MXRA7: variants seen among roughly 807,000 people sequenced by gnomAD.
MXRA7 encodes the protein matrix-remodeling-associated protein 7.
In MXRA7, 18 loss-of-function variants were observed where a neutral mutation model predicts 17.4. The ratio of observed to expected loss-of-function variants is 1.03; its 90% confidence interval spans 0.71 to 1.53. The LOEUF is 1.53. MXRA7 is among the 40% of genes most tolerant of loss of function. The pLI, the probability that MXRA7 is intolerant of heterozygous loss-of-function variation, is 0.00. For synonymous variants in MXRA7, 70 were observed against 101.7 expected (o/e 0.69, Z 1.87); for missense variants, 141 against 209.3 (o/e 0.67, Z 2.01).
rs2076346227 is a variant in MXRA7, at chr17:76,683,810, G to C, written c.500+1262C>G. The C allele has an allele frequency of 2.0e-6, 3 of 1,529,756 alleles. No individual in the cohort carries two copies. In the Admixed American group the frequency reaches 5.0e-5, roughly 26 times the overall value. The allele number at this position is 1,529,756 out of a possible 1,614,324, so 94.8% of individuals were successfully genotyped here. On this transcript the variant is annotated intron_variant, in intron 3 of 3. Coordinates refer to ENST00000449428, the MANE Select transcript of MXRA7 (RefSeq NM_198530.4). ...GGGGGCACGTTAGCACGCAGTAGAA[G>C]GGGAGCACCACTAGTCTAAGAAATC...
intron 1 of MXRA7, among the ~76,000 whole-genome samples, chr17:76,697,516 TC>T (rs776081978): frequency 1.6e-4 from 25 of 152,334 alleles, no homozygotes; most frequent in Admixed American, 3.3e-4. Flanking sequence ...CCCTGGCTGG[TC>T]CCCAGGGCAG....
rs78973581 is a variant in MXRA7, at chr17:76,685,190, G to T, written c.407-25C>A. 15,850 of 1,577,858 alleles carry T rather than the reference G, an allele frequency of 0.01. 670 individuals are homozygous for T. In the East Asian group the frequency reaches 0.11, roughly 11 times the overall value. The stretch of plus-strand genomic sequence containing the variant: ...CCTGTGGAGGGGGGACCCAGTAAGT[G>T]CCAGGAGTGCTGTAGAGGCTGGCCC... On this transcript the variant is annotated intron_variant, in intron 2 of 3. Transcript: ENST00000449428.
chr17:76,679,852 A>G lies in MXRA7; in HGVS notation c.*1015T>C. 1 of 436,330 alleles carries G rather than the reference A, an allele frequency of 2.3e-6. No individual in the cohort carries two copies. Among genetic ancestry groups the G allele is most frequent in the Admixed American group, 8.9e-5 (1 of 11,234 alleles). 27.0% of individuals were successfully genotyped at this position (436,330 alleles called of 1,614,324 possible). A position where few individuals can be genotyped will look rare whatever the true frequency, so the allele number is the denominator to read the frequency against. ...CCTGTTCTCCCCTAAGCCCTGAACC[A>G]AAGGTTCCAGGCCCAGATGAGAAGG... is the stretch of plus-strand genomic sequence containing the variant. On this transcript the variant is annotated 3_prime_UTR_variant, in exon 4 of 4. Transcript: ENST00000449428.
intron 2 of MXRA7, 59 bp from the exon 3 acceptor site, chr17:76,685,224 C>A: frequency 7.7e-7 from 1 of 1,290,974 alleles, no homozygotes; most frequent in Non-Finnish European, 1.1e-6. Context: ...CCCACAAACC[C>A]CGGCCCCCTT....
In MXRA7 at chr17:76,693,451, T is replaced by C. The variant is rs557809360; in HGVS notation, c.343-5275A>G. ...CTGCAATCCAGCCTGGGCAACAGACTGGATTTTTTTTTGAGATCTGTCTCA... is the reference window on the plus strand; with the variant it reads ...CTGCAATCCAGCCTGGGCAACAGACCGGATTTTTTTTTGAGATCTGTCTCA... On this transcript the variant is annotated intron_variant, in intron 1 of 3. Transcript: ENST00000449428. Among the ~76,000 whole-genome samples the C allele has an allele frequency of 1.3e-4, 18 of 133,348 alleles. 1 individual carries two copies. The South Asian group carries it at 4.3e-3, about 32-fold the overall frequency. The allele number at this position is 133,348 out of a possible 152,430, so 87.5% of individuals were successfully genotyped here.
intron 1 of MXRA7, among the ~76,000 whole-genome samples, chr17:76,706,865 T>C (rs1379397868): frequency 6.6e-6 from 1 of 152,306 alleles, no homozygotes; most frequent in South Asian, 2.1e-4. Context: ...ATGAATACCA[T>C]ACACCCTTCA....
At chr17:76,677,129 CT>C, downstream of MXRA7, 1 of 155,294 alleles carries the variant, frequency 6.4e-6, no homozygotes, top group East Asian at 1.9e-4. Context: ...GCTGTCTCTA[CT>C]GAAAATACAA....
At chr17:76,701,599 T>TATGGGC (rs2076591550) in intron 1 of MXRA7, among the ~76,000 whole-genome samples, 1 of 151,744 alleles carries the variant, frequency 6.6e-6, no homozygotes, top group Non-Finnish European at 1.5e-5. Flanking sequence ...CAGTTGATAT[T>TATGGGC]ATGGGCATGA....
chr17:76,707,524 G>C (rs562267793), intron 1 of MXRA7, among the ~76,000 whole-genome samples: 1 of 152,042 alleles, frequency 6.6e-6, no homozygotes, highest in Non-Finnish European at 1.5e-5. Flanking sequence ...GGTTGGTCTC[G>C]AACTCCTGAC....
At chr17:76,688,251 G>C in intron 1 of MXRA7, 75 bp from the exon 2 acceptor site, 1 of 1,594,676 alleles carries the variant, frequency 6.3e-7, no homozygotes, top group South Asian at 1.1e-5. Context: ...CAGAAGGTAG[G>C]GGAGACAGAG....
intron 1 of MXRA7, among the ~76,000 whole-genome samples, chr17:76,696,604 A>G (rs2076535159): frequency 6.6e-6 from 1 of 151,992 alleles, no homozygotes; most frequent in Non-Finnish European, 1.5e-5. Flanking sequence ...AAACAGAGTG[A>G]GAGCTGCACT....
chr17:76,686,092 GC>G (rs1425997393), intron 2 of MXRA7, among the ~76,000 whole-genome samples: 5 of 152,198 alleles, frequency 3.3e-5, no homozygotes, highest in Non-Finnish European at 7.3e-5. Flanking sequence ...CTAGCTTGCA[GC>G]CTTCATGCTA....
intron 1 of MXRA7, among the ~76,000 whole-genome samples, chr17:76,691,856 G>A (rs889604214): frequency 3.3e-5 from 5 of 152,142 alleles, no homozygotes; most frequent in African/African-American, 1.2e-4. Flanking sequence ...ATGTGCAAAG[G>A]ACACAAAGAT....
intron 2 of MXRA7, among the ~76,000 whole-genome samples, chr17:76,687,592 T>C (rs2143614759): frequency 6.6e-6 from 1 of 152,344 alleles, no homozygotes; most frequent in African/African-American, 2.4e-5. Flanking sequence ...CCGGGTCCGA[T>C]CTGGCAGTGT....
chr17:76,706,546 C>G (rs2076664098), intron 1 of MXRA7, among the ~76,000 whole-genome samples: 1 of 152,246 alleles, frequency 6.6e-6, no homozygotes, highest in Non-Finnish European at 1.5e-5. Context: ...TTCACCTGCT[C>G]CTGGGTCATT....
rs1167052254 is a variant in MXRA7, at chr17:76,685,089, C to T, written c.483G>A (p.Glu161=). 1.2e-6 allele frequency: 2 copies of T among 1,614,050 alleles called. No individual in the cohort carries two copies. Among genetic ancestry groups the T allele is most frequent in the Non-Finnish European group, 1.7e-6 (2 of 1,179,992 alleles). Residue 161 remains glutamate (E), a synonymous_variant, in exon 3 of 4, where the codon GAG becomes GAA. Coordinates refer to ENST00000449428, the MANE Select transcript of MXRA7 (RefSeq NM_198530.4). ...NQYKKMMTKE[E]LEEEQRTEE ...CAGCCTACCTCTGCTCCTCCTCCAG[C>T]TCCTCTTTGGTCATCATCTTCTTGT...
At chr17:76,700,593 G>A (rs1429132627) in intron 1 of MXRA7, among the ~76,000 whole-genome samples, 6 of 152,200 alleles carry the variant, frequency 3.9e-5, no homozygotes, top group African/African-American at 7.2e-5. Flanking sequence ...AGCCCACAGC[G>A]ATTTCTGTTC....
rs1268590940 is a variant in MXRA7, at chr17:76,681,186, A to T, written c.501-307T>A. On this transcript the variant is annotated intron_variant, in intron 3 of 3. Transcript: ENST00000449428. The surrounding 1 kb of genome is among the most constrained non-coding windows in gnomAD (Gnocchi z 4.7). ...AGGAACTTGGGCATTTGAGTTGCCA[A>T]GGGCCTTTCTGATCTTGGGTTGTGT... 6.6e-6 allele frequency among the ~76,000 whole-genome samples: 1 copy of T among 152,312 alleles called. No individual in the cohort carries two copies. Among genetic ancestry groups the T allele is most frequent in the East Asian group, 1.9e-4 (1 of 5,182 alleles).
At chr17:76,691,298 G>A (rs1311062373) in intron 1 of MXRA7, among the ~76,000 whole-genome samples, 1 of 152,198 alleles carries the variant, frequency 6.6e-6, no homozygotes, top group African/African-American at 2.4e-5. Context: ...GGACCCTACT[G>A]GACCTTACTC....
Sources: allele counts gnomAD v4.1 joint callset (sites outside exome capture counted in the v4.1 genomes callset), GRCh38; gene constraint gnomAD v4.1.1; non-coding constraint Gnocchi (gnomAD v3.1); transcripts MANE v1.5; gene names NCBI Gene and HGNC (gene_info 2026-07-23, HGNC 2026-07-21).